PRKX: variants seen among roughly 807,000 people sequenced by gnomAD.
PRKX encodes the protein cAMP-dependent protein kinase catalytic subunit PRKX.
In PRKX, 12 loss-of-function variants were observed where a neutral mutation model predicts 22.0. The observed-to-expected ratio is 0.54, with a 90% CI of 0.35 to 0.88. PRKX has a LOEUF of 0.88. PRKX is among the 40% of genes least tolerant of loss of function. The probability of loss-of-function intolerance (pLI) is 0.01; values close to 1 mark genes in which losing one functional copy is unlikely to be tolerated. For missense variants in PRKX, 217 were observed against 308.0 expected, an observed-to-expected ratio of 0.70 and a Z score of 2.21; for synonymous variants, 134 against 137.7, an observed-to-expected ratio of 0.97 and a Z score of 0.19.
chrX:3,630,404 C>CA (rs775380619), intron 4 of PRKX, among the ~76,000 whole-genome samples: 8,385 of 110,736 alleles, frequency 0.076, 289 homozygotes, highest in Non-Finnish European at 0.11. Context: ...ACCAAAAATA[C>CA]AAAAAATTAG....
chrX:3,693,893 TTG>T (rs1569062565), intron 1 of PRKX, among the ~76,000 whole-genome samples: 7 of 98,770 alleles, frequency 7.1e-5, no homozygotes, highest in African/African-American at 2.7e-4. Context: ...TGAGCCGAGA[TTG>T]CGCCACTGCA....
intron 2 of PRKX, 72 bp downstream of exon 2, chrX:3,674,526 A>C (rs1264317359): frequency 5.4e-6 from 6 of 1,110,881 alleles, no homozygotes; most frequent in African/African-American, 3.6e-5. Flanking sequence ...CGGCCCACCC[A>C]GCTTCTTATA....
At chrX:3,698,024 G>A (rs1297829415) in intron 1 of PRKX, among the ~76,000 whole-genome samples, 1 of 112,129 alleles carries the variant, frequency 8.9e-6, no homozygotes, top group Non-Finnish European at 1.9e-5. Flanking sequence ...AGAACACCAG[G>A]CAGCCAGCTA....
At chrX:3,617,069 T>C (rs951358306) in intron 6 of PRKX, among the ~76,000 whole-genome samples, 5 of 110,851 alleles carry the variant, frequency 4.5e-5, no homozygotes, top group African/African-American at 1.6e-4. Context: ...CACATACTTA[T>C]AGACATACAC....
At chrX:3,663,233 G>A (rs1053937149) in intron 2 of PRKX, among the ~76,000 whole-genome samples, 3 of 109,090 alleles carry the variant, frequency 2.8e-5, no homozygotes, top group African/African-American at 1.0e-4. Context: ...AGGGAATTTA[G>A]ATAAGCTATG....
chrX:3,669,413 C>T (rs183479210), intron 2 of PRKX, among the ~76,000 whole-genome samples: 1 of 112,060 alleles, frequency 8.9e-6, no homozygotes, highest in Non-Finnish European at 1.9e-5. Context: ...TTTTTGTCCC[C>T]CCATAGGGGG....
chrX:3,670,949 A>C (rs1225396703), intron 2 of PRKX, among the ~76,000 whole-genome samples: 1 of 112,086 alleles, frequency 8.9e-6, no homozygotes, highest in Non-Finnish European at 1.9e-5. Context: ...CTAGATCCAA[A>C]ACTTTTCATG....
intron 1 of PRKX, among the ~76,000 whole-genome samples, chrX:3,700,623 G>A (rs1361674071): frequency 9.3e-6 from 1 of 107,938 alleles, no homozygotes; most frequent in Non-Finnish European, 1.9e-5. Context: ...CTGTCACCCA[G>A]GCTGGAGTAC....
Position 3,655,415 on chromosome X carries a change from G to T in PRKX, c.336-3C>A, listed in dbSNP as rs1170508564. 3 of 1,212,144 alleles carry T rather than the reference G, an allele frequency of 2.5e-6. No individual in the cohort carries two copies. The highest frequency in any genetic ancestry group is 3.5e-5 in the South Asian group (2 of 56,999). On this transcript the variant is annotated splice_polypyrimidine_tract_variant and splice_region_variant and intron_variant, in intron 2 of 8. Coordinates refer to ENST00000262848, the MANE Select transcript of PRKX (RefSeq NM_005044.5). ...GCTCGTCATGCCACGTCCAGAACCT[G>T]CGGGGACAGACAGCACATGCTCAGG...
chrX:3,646,974 G>A (rs182079095), intron 3 of PRKX, among the ~76,000 whole-genome samples: 59 of 110,721 alleles, frequency 5.3e-4, no homozygotes, highest in African/African-American at 1.7e-3. Flanking sequence ...TCAAGGGAAA[G>A]TAACAACACC....
At chrX:3,682,706 A>C (rs1324201029) in intron 1 of PRKX, among the ~76,000 whole-genome samples, 1 of 110,385 alleles carries the variant, frequency 9.1e-6, no homozygotes, top group African/African-American at 3.3e-5. Flanking sequence ...TGGAGCCCCC[A>C]GCAGCTGGGA....
At chrX:3,652,146 C>T (rs6641823) in intron 3 of PRKX, among the ~76,000 whole-genome samples, 32,349 of 109,770 alleles carry the variant, frequency 0.29, 3,991 homozygotes, top group East Asian at 0.59. Flanking sequence ...GGGCCGGGTG[C>T]GGTGGCTCAC....
At chrX:3,659,736 T>G (rs867124514) in intron 2 of PRKX, among the ~76,000 whole-genome samples, 1,449 of 96,537 alleles carry the variant, frequency 0.015, 33 homozygotes, top group African/African-American at 0.058. Context: ...TTTGTTTTTT[T>G]TTTTTTTGAG....
chrX:3,679,966 G>A (rs1250223593), intron 1 of PRKX, among the ~76,000 whole-genome samples: 1 of 111,169 alleles, frequency 9.0e-6, no homozygotes, highest in Non-Finnish European at 1.9e-5. Flanking sequence ...AATGCGGGGT[G>A]GACTCAGGTC....
At chrX:3,678,966 G>C (rs1318101302) in intron 1 of PRKX, among the ~76,000 whole-genome samples, 4 of 111,722 alleles carry the variant, frequency 3.6e-5, no homozygotes, top group African/African-American at 9.7e-5. Flanking sequence ...AGATCTTGAA[G>C]GTAAGTGGTC....
At chrX:3,689,620 C>T (rs1474866152) in intron 1 of PRKX, among the ~76,000 whole-genome samples, 2 of 111,980 alleles carry the variant, frequency 1.8e-5, no homozygotes, top group Admixed American at 1.9e-4. Context: ...TTCAAGACAG[C>T]AGTGAGTAGT....
At chrX:3,670,552 G>A (rs908339499) in intron 2 of PRKX, among the ~76,000 whole-genome samples, 2 of 111,511 alleles carry the variant, frequency 1.8e-5, no homozygotes, top group Admixed American at 1.9e-4. Context: ...ATTGTTTTTC[G>A]GATTCTTTTT....
intron 1 of PRKX, among the ~76,000 whole-genome samples, chrX:3,706,469 G>GA (rs1279500786): frequency 1.8e-5 from 2 of 111,549 alleles, no homozygotes; most frequent in Admixed American, 9.5e-5. Flanking sequence ...GTACAGGCGT[G>GA]AGCCTCCACA....
intron 4 of PRKX, among the ~76,000 whole-genome samples, chrX:3,630,986 C>G (rs1411365120): frequency 8.9e-6 from 1 of 112,304 alleles, no homozygotes; most frequent in African/African-American, 3.2e-5. Flanking sequence ...GACAGATACT[C>G]ATATTGGCTC....
Sources: gnomAD v4.1 joint callset for allele counts (sites outside exome capture counted in the v4.1 genomes callset) on GRCh38, gnomAD v4.1.1 for gene constraint, MANE v1.5 for transcripts, NCBI Gene and HGNC (gene_info 2026-07-23, HGNC 2026-07-21) for gene names.